Variants in TCF3 observed in about 807,000 individuals in gnomAD.
TCF3 encodes the protein transcription factor E2-alpha.
TCF3 carries 54 observed loss-of-function variants against 72.3 expected under a neutral mutation model. The ratio of observed to expected loss-of-function variants is 0.75; its 90% CI spans 0.60 to 0.94. The LOEUF (loss-of-function observed/expected upper bound fraction) is 0.94, where lower values mean the gene tolerates loss of function less well. TCF3 is among the 40% of genes least tolerant of loss of function. The pLI is 0.00. For missense variants in TCF3, 1,078 were observed against 934.4 expected (o/e 1.15, Z -2.00); for synonymous variants, 525 against 412.6 (o/e 1.27, Z -3.30).
chr19:1,646,558 G>A (rs752564847), intron 2 of TCF3, 131 bp from the exon 3 acceptor site: 34 of 764,962 alleles, frequency 4.4e-5, no homozygotes, highest in African/African-American at 2.4e-4. Context: ...ATCTAGGCCC[G>A]GCCCGTCCTG....
rs758809981 is a variant in TCF3 at position 1,634,859 on chromosome 19, C to T, written c.146-2454G>A. ...TGCCCGTTTGTCCATGTACTATCAA[C>T]GGCTGCTTTTGCTGCAACAGTAGAG... On this transcript the variant is annotated intron_variant, in intron 3 of 18. Transcript: ENST00000262965. Among the ~76,000 whole-genome samples the T allele has an allele frequency of 1.6e-4, 24 of 152,338 alleles. No homozygotes were observed. In the East Asian group the frequency reaches 2.5e-3, roughly 16 times the overall value.
intron 11 of TCF3, 131 bp from the exon 12 acceptor site, chr19:1,621,322 T>A: frequency 8.7e-7 from 1 of 1,155,170 alleles, no homozygotes; most frequent in Non-Finnish European, 1.2e-6. Context: ...CGGGTCCGGT[T>A]TCTGTCTGAC....
At chr19:1,645,536 G>A (rs1256580188) in intron 3 of TCF3, among the ~76,000 whole-genome samples, 1 of 152,190 alleles carries the variant, frequency 6.6e-6, no homozygotes, top group African/African-American at 2.4e-5. Flanking sequence ...TCTCTGCCTG[G>A]CAAATTCCTC....
intron 4 of TCF3, 106 bp downstream of exon 4, chr19:1,632,226 C>A (rs953001899): frequency 6.5e-7 from 1 of 1,546,826 alleles, no homozygotes; most frequent in Admixed American, 2.0e-5. Flanking sequence ...CCAGTCCAAA[C>A]CCCTGGAAGG....
intron 6 of TCF3, among the ~76,000 whole-genome samples, chr19:1,627,044 C>T (rs1380152048): frequency 6.6e-6 from 1 of 152,160 alleles, no homozygotes; most frequent in African/African-American, 2.4e-5. Flanking sequence ...TGTATGGGCT[C>T]CCCAGGGGGT....
intron 6 of TCF3, 55 bp from the exon 7 acceptor site, chr19:1,625,763 GTTCCA>G (rs1481100183): frequency 1.4e-6 from 2 of 1,437,278 alleles, no homozygotes; most frequent in East Asian, 3.0e-5. Context: ...ACCCCAGGCT[GTTCCA>G]TTCAAGAAAA....
At chr19:1,646,954 CG>C (rs140819805) in intron 2 of TCF3, among the ~76,000 whole-genome samples, 1,572 of 152,216 alleles carry the variant, frequency 0.01, 34 homozygotes, top group African/African-American at 0.036. Flanking sequence ...GTCCCTGGAG[CG>C]GGGGGTAGGG....
In TCF3 at chr19:1,609,763, T is replaced by G. The variant is rs1026870806; in HGVS notation, c.*1944A>C. Reference sequence around the variant, plus strand: ...GCAGATACCAGGCATTGAGCTGGCCTTGAGGTTTCCCTTGCATCTACCATG... The same window carrying G: ...GCAGATACCAGGCATTGAGCTGGCCGTGAGGTTTCCCTTGCATCTACCATG... On this transcript the variant is annotated 3_prime_UTR_variant, in exon 19 of 19. Transcript: ENST00000262965. 9 of 229,602 alleles carry G rather than the reference T, an allele frequency of 3.9e-5. No individual in the cohort carries two copies. Among genetic ancestry groups the G allele is most frequent in the African/African-American group, 2.0e-4 (9 of 44,878 alleles). 14.2% of individuals were successfully genotyped at this position (229,602 alleles called of 1,614,324 possible).
At chr19:1,629,647 G>GAA (rs1176260082) in intron 5 of TCF3, among the ~76,000 whole-genome samples, 2 of 152,202 alleles carry the variant, frequency 1.3e-5, no homozygotes, top group African/African-American at 4.8e-5. Context: ...AGCCTTGCCT[G>GAA]AAGCAGGCAC....
chr19:1,619,703 G>T, intron 14 of TCF3, 77 bp downstream of exon 14: 1 of 1,304,696 alleles, frequency 7.7e-7, no homozygotes, highest in Non-Finnish European at 1.0e-6. Flanking sequence ...CTAACAAAAA[G>T]GTTTCTCCTT....
chr19:1,622,419 C>CGGGG lies in TCF3; in HGVS notation c.550-5_550-4insCCCC. On this transcript the variant is annotated splice_region_variant and splice_polypyrimidine_tract_variant and intron_variant, in intron 8 of 18. Coordinates refer to ENST00000262965, the MANE Select transcript of TCF3 (RefSeq NM_003200.5). ...CACCTGAGCTGGGTGGGTACACCTG[C>CGGGG]GGGCGGGTGGGCGGTGGGGGGTGCA... 1 of 459,664 alleles carries CGGGG rather than the reference C, an allele frequency of 2.2e-6. No homozygotes were observed. The highest frequency in any genetic ancestry group is 3.7e-6 in the Non-Finnish European group (1 of 267,640). The allele number at this position is 459,664 out of a possible 1,614,324, so 28.5% of individuals were successfully genotyped here.
At chr19:1,630,631 C>T (rs570538054) in intron 5 of TCF3, among the ~76,000 whole-genome samples, 8 of 152,314 alleles carry the variant, frequency 5.3e-5, no homozygotes, top group South Asian at 2.1e-4. Flanking sequence ...CACTGCACCA[C>T]GAAAAGCCAG....
At chr19:1,619,678 C>A in intron 14 of TCF3, 102 bp downstream of exon 14, 1 of 1,245,906 alleles carries the variant, frequency 8.0e-7, no homozygotes, top group South Asian at 1.3e-5. Flanking sequence ...CAGCTTGGGG[C>A]TTATTTACAA....
At chr19:1,646,251 T>C (rs764065593) in intron 3 of TCF3, 104 bp downstream of exon 3, 1 of 1,255,838 alleles carries the variant, frequency 8.0e-7, no homozygotes, top group Non-Finnish European at 1.1e-6. Context: ...CTTTCCCCAT[T>C]GTCTCCCTCC....
At chr19:1,622,463 C>T (rs1374442157) in intron 8 of TCF3, 48 bp from the exon 9 acceptor site, 20 of 1,043,804 alleles carry the variant, frequency 1.9e-5, no homozygotes, top group East Asian at 1.3e-4. Context: ...GGAGGGACCA[C>T]GATCAGCCCA....
intron 2 of TCF3, among the ~76,000 whole-genome samples, chr19:1,648,119 C>T (rs1053101680): frequency 3.3e-5 from 5 of 152,180 alleles, no homozygotes; most frequent in Admixed American, 6.5e-5. Flanking sequence ...AGGACAAAGG[C>T]GCGCTGGGAA....
In TCF3 at chr19:1,609,718, C is replaced by T. The variant is rs763374680; in HGVS notation, c.*1989G>A. On this transcript the variant is annotated 3_prime_UTR_variant, in exon 19 of 19. Transcript: ENST00000262965. ...GAGGCAGCCGGACAGCCCCTCCCCT[C>T]CGCCTGGCCTGGACTGGGGGCAGAT... The T allele has an allele frequency of 1.1e-4, 25 of 228,554 alleles. No homozygotes were observed. The highest frequency in any genetic ancestry group is 1.0e-4 in the Non-Finnish European group (12 of 115,364). 14.2% of individuals were successfully genotyped at this position (228,554 alleles called of 1,614,324 possible).
chr19:1,631,217 C>T (rs749760205), intron 5 of TCF3, among the ~76,000 whole-genome samples: 4 of 151,810 alleles, frequency 2.6e-5, no homozygotes, highest in Admixed American at 6.6e-5. Flanking sequence ...AAGAGGATGG[C>T]GCTTGCCCAG....
intron 16 of TCF3, 88 bp downstream of exon 16, chr19:1,619,023 G>T (rs2061855242): frequency 6.3e-7 from 1 of 1,580,084 alleles, no homozygotes; most frequent in Non-Finnish European, 8.5e-7. Context: ...CACCTGCCCT[G>T]GGCTCCCACC....
Sources: gnomAD v4.1 joint callset for allele counts (sites outside exome capture counted in the v4.1 genomes callset) on GRCh38, gnomAD v4.1.1 for gene constraint, MANE v1.5 for transcripts, NCBI Gene and HGNC (gene_info 2026-07-23, HGNC 2026-07-21) for gene names.